Variants in STK32B observed in about 807,000 individuals in gnomAD.
The protein encoded by STK32B is serine/threonine-protein kinase 32B.
Under a neutral mutation model 52.6 loss-of-function variants are expected in STK32B, and 43 were observed. The ratio of observed to expected loss-of-function variants is 0.82; its 90% CI spans 0.64 to 1.05. STK32B has a LOEUF of 1.05. STK32B is among the 50% of genes least tolerant of loss of function. STK32B has a pLI of 0.00. For synonymous variants in STK32B, 238 were observed against 204.3 expected (o/e 1.17, Z -1.41); for missense variants, 621 against 534.6 (o/e 1.16, Z -1.59).
At chr4:5,127,024 C>T (rs1456101067) in intron 1 of STK32B, 12 of 466,894 alleles carry the variant, frequency 2.6e-5, no homozygotes, top group South Asian at 7.7e-5. Context: ...TCACATAATG[C>T]TCAGAATGCT....
At chr4:5,138,977 C>T (rs540956585) in intron 1 of STK32B, among the ~76,000 whole-genome samples, 8 of 152,184 alleles carry the variant, frequency 5.3e-5, no homozygotes, top group East Asian at 1.9e-4. Context: ...GAGGGGACAT[C>T]GGAGGGGAGG....
intron 11 of STK32B, among the ~76,000 whole-genome samples, chr4:5,485,819 G>A (rs1379570339): frequency 6.6e-6 from 1 of 152,210 alleles, no homozygotes; most frequent in Non-Finnish European, 1.5e-5. Context: ...AGGACCTTCA[G>A]CTGCAGGTCT....
the STK32B span, among the ~76,000 whole-genome samples, chr4:5,025,473 C>T: frequency 5.7e-4 from 87 of 152,322 alleles, 1 homozygote; most frequent in South Asian, 0.018. Flanking sequence ...AGCTCTGTCT[C>T]AGCTCAGCTG....
rs1040416213 is a variant in STK32B, at chr4:5,415,165, G to A, written c.473-1680G>A. 4.6e-5 allele frequency among the ~76,000 whole-genome samples: 7 copies of A among 152,234 alleles called. No homozygotes were observed. In the East Asian group the frequency reaches 5.8e-4, roughly 13 times the overall value. On this transcript the variant is annotated intron_variant, in intron 5 of 11. Coordinates refer to ENST00000282908, the MANE Select transcript of STK32B (RefSeq NM_018401.3). Reference sequence around the variant, plus strand: ...GAAGATGGGTTTTGAGCCACTCCTCGGCAGGATAATAATGCTAAAAGCAAA... The same window carrying A: ...GAAGATGGGTTTTGAGCCACTCCTCAGCAGGATAATAATGCTAAAAGCAAA...
At chr4:5,301,268 G>T (rs28721906) in intron 3 of STK32B, among the ~76,000 whole-genome samples, 1,726 of 152,090 alleles carry the variant, frequency 0.011, 22 homozygotes, top group South Asian at 0.057. Context: ...TTTGGTGTCA[G>T]GATAATGCTT....
At chr4:5,390,309 A>T (rs961669391) in intron 4 of STK32B, among the ~76,000 whole-genome samples, 2 of 152,186 alleles carry the variant, frequency 1.3e-5, no homozygotes, top group African/African-American at 2.4e-5. Flanking sequence ...CATCCCAGTT[A>T]TAATGGGCGT....
chr4:5,498,323 G>C (rs911401626), intron 11 of STK32B, among the ~76,000 whole-genome samples: 12 of 152,186 alleles, frequency 7.9e-5, no homozygotes, highest in Admixed American at 7.9e-4. Flanking sequence ...CCCACTGCTA[G>C]GAAATGCAAT....
intron 11 of STK32B, among the ~76,000 whole-genome samples, chr4:5,475,751 G>A (rs1718191216): frequency 7.1e-6 from 1 of 141,208 alleles, no homozygotes; most frequent in African/African-American, 3.0e-5. Flanking sequence ...AAAAGATGTG[G>A]AAAATAAAAA....
chr4:5,414,053 TAAGC>T (rs1398639771), intron 5 of STK32B, among the ~76,000 whole-genome samples: 1 of 152,064 alleles, frequency 6.6e-6, no homozygotes, highest in African/African-American at 2.4e-5. Context: ...GACAAACAAT[TAAGC>T]AAGCAAAATT....
At chr4:5,093,349 T>C (rs1202635255) in intron 1 of STK32B, among the ~76,000 whole-genome samples, 2 of 152,232 alleles carry the variant, frequency 1.3e-5, no homozygotes, top group Non-Finnish European at 2.9e-5. Context: ...AAATAGTAAC[T>C]GCATGAAACT....
At chr4:5,111,274 A>G (rs1292366823) in intron 1 of STK32B, among the ~76,000 whole-genome samples, 5 of 152,192 alleles carry the variant, frequency 3.3e-5, no homozygotes, top group Non-Finnish European at 5.9e-5. Flanking sequence ...ATCTGCTCAA[A>G]GGAAAATAAA....
chr4:5,072,973 A>G (rs1256959193), intron 1 of STK32B, among the ~76,000 whole-genome samples: 1 of 152,124 alleles, frequency 6.6e-6, no homozygotes, highest in African/African-American at 2.4e-5. Flanking sequence ...TTTATCTCTG[A>G]AAATACTACT....
intron 11 of STK32B, among the ~76,000 whole-genome samples, chr4:5,475,932 T>C (rs974545984): frequency 2.6e-5 from 4 of 151,954 alleles, no homozygotes; most frequent in Non-Finnish European, 5.9e-5. Flanking sequence ...GTTTTGCTCG[T>C]CGCCCAGGCT....
At chr4:5,362,908 C>T (rs931414548) in intron 4 of STK32B, among the ~76,000 whole-genome samples, 2 of 152,232 alleles carry the variant, frequency 1.3e-5, no homozygotes, top group East Asian at 1.9e-4. Flanking sequence ...AACCTCCATA[C>T]TGCCTGGGTG....
Position 5,168,281 on chromosome 4 carries a change from C to T in STK32B, c.109-18C>T. The T allele has an allele frequency of 7.5e-6, 12 of 1,603,578 alleles. No homozygotes were observed. The highest frequency in any genetic ancestry group is 9.4e-6 in the Non-Finnish European group (11 of 1,171,674). ...TCGATTGTTGGCCTGACTGTTCTCT[C>T]CTTTGGCTGTCGCTCAGGTATGCAT... On this transcript the variant is annotated intron_variant, in intron 2 of 11. Coordinates refer to ENST00000282908, the MANE Select transcript of STK32B (RefSeq NM_018401.3).
the STK32B span, among the ~76,000 whole-genome samples, chr4:5,040,733 C>A: frequency 2.0e-5 from 3 of 152,130 alleles, no homozygotes. Context: ...GTAGGCCACA[C>A]ACTGGCTACC....
At chr4:5,062,340 G>A (rs1169135444) in intron 1 of STK32B, among the ~76,000 whole-genome samples, 2 of 152,176 alleles carry the variant, frequency 1.3e-5, no homozygotes, top group South Asian at 2.1e-4. Flanking sequence ...TCAGGTAACT[G>A]TAAGTTGTGT....
chr4:5,491,727 C>T (rs966371583), intron 11 of STK32B, among the ~76,000 whole-genome samples: 1 of 151,920 alleles, frequency 6.6e-6, no homozygotes, highest in Admixed American at 6.6e-5. Context: ...ACATTTAAGT[C>T]TTTAATCCAC....
chr4:5,482,981 C>T (rs532197176), intron 11 of STK32B, among the ~76,000 whole-genome samples: 2 of 152,118 alleles, frequency 1.3e-5, no homozygotes, highest in African/African-American at 2.4e-5. Context: ...CTGCTGGATT[C>T]GGTTTGCCAG....
Sources: gnomAD v4.1 joint callset for allele counts (sites outside exome capture counted in the v4.1 genomes callset) on GRCh38, gnomAD v4.1.1 for gene constraint, MANE v1.5 for transcripts, NCBI Gene and HGNC (gene_info 2026-07-23, HGNC 2026-07-21) for gene names.